The following IQSEC3 variants were observed in gnomAD, a reference collection of about 807,000 sequenced individuals.
IQSEC3 encodes IQ motif and SEC7 domain-containing protein 3.
IQSEC3 carries 50 observed loss-of-function variants against 105.4 expected under a neutral mutation model. The ratio of observed to expected loss-of-function variants is 0.47; its 90% CI spans 0.38 to 0.60. The LOEUF is 0.60. IQSEC3 is among the 20% of genes least tolerant of loss of function. The probability of loss-of-function intolerance (pLI) is 0.00; values close to 1 mark genes in which losing one functional copy is unlikely to be tolerated. For synonymous variants in IQSEC3, 708 were observed against 746.0 expected, an observed-to-expected ratio of 0.95 and a Z score of 0.83; for missense variants, 1,415 against 1,630.0, an observed-to-expected ratio of 0.87 and a Z score of 2.27.
intron 5 of IQSEC3, chr12:142,351 A>T (rs1434810720): frequency 1.3e-5 from 2 of 152,176 alleles, no homozygotes; most frequent in Non-Finnish European, 2.9e-5. Flanking sequence ...GCCCATATTG[A>T]GAAGCCCCTG....
intron 12 of IQSEC3, among the ~76,000 whole-genome samples, chr12:170,658 G>A (rs1013198044): frequency 1.1e-4 from 17 of 152,220 alleles, no homozygotes; most frequent in African/African-American, 3.1e-4. Flanking sequence ...GGCTCTCACC[G>A]TGCCCGGCAC....
At chr12:70,245 A>G (rs1555067138) in intron 1 of IQSEC3, among the ~76,000 whole-genome samples, 1 of 152,268 alleles carries the variant, frequency 6.6e-6, no homozygotes, top group Non-Finnish European at 1.5e-5. Context: ...ACCCAATTCC[A>G]GGAGAGGCAG....
chr12:83,375 T>G (rs1393334134), intron 1 of IQSEC3, among the ~76,000 whole-genome samples: 1 of 151,662 alleles, frequency 6.6e-6, no homozygotes, highest in Non-Finnish European at 1.5e-5. Context: ...AACAAGAAAA[T>G]TCACACACGT....
intron 2 of IQSEC3, among the ~76,000 whole-genome samples, chr12:122,119 T>C (rs1477135891): frequency 6.6e-6 from 1 of 152,184 alleles, no homozygotes; most frequent in East Asian, 1.9e-4. Flanking sequence ...TTTCCAACAC[T>C]TTTTCATTGT....
chr12:140,926 T>TC, intron 4 of IQSEC3, 198 bp from the exon 5 acceptor site: 2 of 516,148 alleles, frequency 3.9e-6, no homozygotes, highest in South Asian at 7.6e-5. Flanking sequence ...TTTGCAGATC[T>TC]CCCCTGTCCT....
chr12:123,540 G>A (rs1865285589), intron 2 of IQSEC3, among the ~76,000 whole-genome samples: 1 of 152,220 alleles, frequency 6.6e-6, no homozygotes, highest in Admixed American at 6.5e-5. Context: ...GAAAAAGGCA[G>A]CAGCAATGAA....
chr12:140,964 T>C (rs12321262), intron 4 of IQSEC3, 160 bp from the exon 5 acceptor site: 400,977 of 673,572 alleles, frequency 0.6, 121,012 homozygotes, highest in Middle Eastern at 0.75. Flanking sequence ...ATCCTCTGCG[T>C]GAGGACATTC....
At chr12:106,603 C>G (rs1399750226) in intron 2 of IQSEC3, 1 of 152,204 alleles carries the variant, frequency 6.6e-6, no homozygotes, top group South Asian at 2.1e-4. Context: ...AGAGATGCCA[C>G]GAGGAACATC....
chr12:126,147 G>A (rs562842569), intron 3 of IQSEC3, among the ~76,000 whole-genome samples: 11 of 152,348 alleles, frequency 7.2e-5, no homozygotes, highest in South Asian at 4.1e-4. Flanking sequence ...TGGGCAGCAC[G>A]TCCAGGGGCT....
At chr12:139,496 C>A in intron 4 of IQSEC3, 142 bp downstream of exon 4, 1 of 584,178 alleles carries the variant, frequency 1.7e-6, no homozygotes, top group East Asian at 2.9e-5. Context: ...GCATCTGTGC[C>A]GTGCCTGATC....
intron 11 of IQSEC3, 47 bp downstream of exon 11, chr12:165,937 C>T (rs781925283): frequency 3.1e-6 from 5 of 1,597,342 alleles, no homozygotes; most frequent in Non-Finnish European, 4.3e-6. Context: ...TCCCATTCAG[C>T]AAGGGACAGG....
chr12:93,223 C>T (rs549863383), intron 1 of IQSEC3, among the ~76,000 whole-genome samples: 40 of 152,296 alleles, frequency 2.6e-4, no homozygotes, highest in African/African-American at 9.4e-4. Context: ...TGGACCCCCC[C>T]AAAGCTTCAC....
At chr12:169,972 A>T (rs1376235999) in intron 12 of IQSEC3, among the ~76,000 whole-genome samples, 4 of 152,216 alleles carry the variant, frequency 2.6e-5, no homozygotes, top group Admixed American at 6.5e-5. Context: ...TGAGCTGAGA[A>T]GCTCCAGTGG....
At chr12:100,595 C>T (rs144259036) in intron 2 of IQSEC3, among the ~76,000 whole-genome samples, 222 of 152,212 alleles carry the variant, frequency 1.5e-3, no homozygotes, top group African/African-American at 5.1e-3. Flanking sequence ...CCCTTAAATC[C>T]AGGGCTGAGG....
chr12:138,132 GCCCAGGAGCGCCC>G lies in IQSEC3; in HGVS notation c.904-131_904-119del. 1 of 740,228 alleles carries G rather than the reference GCCCAGGAGCGCCC, an allele frequency of 1.4e-6. No individual in the cohort carries two copies. The highest frequency in any genetic ancestry group is 1.8e-5 in the South Asian group (1 of 54,620). The allele number at this position is 740,228 out of a possible 1,614,324, so 45.9% of individuals were successfully genotyped here. On this transcript the variant is annotated intron_variant, in intron 3 of 13. Coordinates refer to ENST00000538872, the MANE Select transcript of IQSEC3 (RefSeq NM_001170738.2). This position sits in a 1 kb window ranked among gnomAD's most constrained non-coding sequence, Gnocchi z 7.1. ...GTTCTAGGCGGTTCAGACTTTAGCT[GCCCAGGAGCGCCC>G]CCCCGCCCCCGTCCATTCCTGGGCC... is the stretch of plus-strand genomic sequence containing the variant.
rs184587932 is a variant in IQSEC3 at position 170,780 on chromosome 12, G to A, written c.3065-332G>A. Among the ~76,000 whole-genome samples, 475 of 152,360 alleles carry A rather than the reference G, an allele frequency of 3.1e-3. 3 individuals carry two copies. Among genetic ancestry groups the A allele is most frequent in the African/African-American group, 0.011 (438 of 41,582 alleles). On this transcript the variant is annotated intron_variant, in intron 12 of 13. Transcript: ENST00000538872. ...GCTCAAGGAGCCTGTGATCCACGGAGGCTGATGAACGTGGCGCCCACAACC... is the reference window on the plus strand; with the variant it reads ...GCTCAAGGAGCCTGTGATCCACGGAAGCTGATGAACGTGGCGCCCACAACC...
rs796155291 is a variant in IQSEC3, at chr12:176,352, T to C, written c.*1319T>C. 34 of 152,494 alleles carry C rather than the reference T, an allele frequency of 2.2e-4. No homozygotes were observed. Among genetic ancestry groups the C allele is most frequent in the African/African-American group, 7.5e-4 (31 of 41,560 alleles). 9.4% of individuals were successfully genotyped at this position (152,494 alleles called of 1,614,324 possible). A position where few individuals can be genotyped will look rare whatever the true frequency, so the allele number is the denominator to read the frequency against. Reference sequence around the variant, plus strand: ...CCCAGAGACCACAGGAGCCGTACCATGGCCTGCGCAGTCAGGCCCTATCAG... The same window carrying C: ...CCCAGAGACCACAGGAGCCGTACCACGGCCTGCGCAGTCAGGCCCTATCAG... On this transcript the variant is annotated 3_prime_UTR_variant, in exon 14 of 14. Coordinates refer to ENST00000538872, the MANE Select transcript of IQSEC3 (RefSeq NM_001170738.2). This position sits in a 1 kb window ranked among gnomAD's most constrained non-coding sequence, Gnocchi z 4.0.
intron 2 of IQSEC3, among the ~76,000 whole-genome samples, chr12:117,790 G>T (rs1455272635): frequency 1.3e-5 from 2 of 152,238 alleles, no homozygotes; most frequent in Non-Finnish European, 2.9e-5. Context: ...CTTACAGCCA[G>T]CGAGGTCAGG....
chr12:128,702 C>G (rs376964634), intron 3 of IQSEC3, among the ~76,000 whole-genome samples: 1 of 152,208 alleles, frequency 6.6e-6, no homozygotes, highest in African/African-American at 2.4e-5. Context: ...TTCCCCAGTG[C>G]CCCTGCCCCA....
Sources: gnomAD v4.1 joint callset for allele counts (sites outside exome capture counted in the v4.1 genomes callset) on GRCh38, gnomAD v4.1.1 for gene constraint, Gnocchi (gnomAD v3.1) non-coding constraint, MANE v1.5 for transcripts, NCBI Gene and HGNC (gene_info 2026-07-23, HGNC 2026-07-21) for gene names.